The following OSBP variants were observed in gnomAD, a reference collection of about 807,000 sequenced individuals.
OSBP encodes the protein oxysterol binding protein.
A neutral mutation model predicts 96.6 loss-of-function variants in OSBP; 32 were observed. The ratio of observed to expected loss-of-function variants is 0.33; its 90% CI spans 0.25 to 0.45. The LOEUF (loss-of-function observed/expected upper bound fraction) is 0.45, where lower values mean the gene tolerates loss of function less well. Among genes scored for constraint, OSBP ranks in the 20% least tolerant of loss-of-function variants. The probability of loss-of-function intolerance (pLI) is 1.00; values close to 1 mark genes in which losing one functional copy is unlikely to be tolerated. For synonymous variants in OSBP, 369 were observed against 389.6 expected (o/e 0.95, Z 0.62); for missense variants, 653 against 1,029.7 (o/e 0.63, Z 5.01).
intron 9 of OSBP, among the ~76,000 whole-genome samples, chr11:59,589,221 C>G (rs1481503224): frequency 1.3e-5 from 2 of 150,336 alleles, no homozygotes; most frequent in African/African-American, 4.9e-5. Flanking sequence ...CTCTTGGGCC[C>G]AAGTGATCCT....
chr11:59,602,038 T>C (rs1860731273), intron 3 of OSBP, among the ~76,000 whole-genome samples, 200 bp from the exon 4 acceptor site: 2 of 152,186 alleles, frequency 1.3e-5, no homozygotes. Flanking sequence ...AAAGTAAATA[T>C]GGTTGTCATG....
chr11:59,600,745 C>T, intron 6 of OSBP, 74 bp downstream of exon 6: 2 of 1,298,136 alleles, frequency 1.5e-6, no homozygotes, highest in Middle Eastern at 2.0e-4. Context: ...TAGCACTTCA[C>T]AAAAAAAAAA....
chr11:59,606,229 A>G (rs1328941947), intron 3 of OSBP, among the ~76,000 whole-genome samples: 2 of 152,198 alleles, frequency 1.3e-5, no homozygotes, highest in Admixed American at 1.3e-4. Flanking sequence ...CGTGGAACAC[A>G]GCTCATGCTC....
chr11:59,591,545 T>A (rs2134661697), intron 9 of OSBP, among the ~76,000 whole-genome samples: 1 of 152,202 alleles, frequency 6.6e-6, no homozygotes, highest in Admixed American at 6.5e-5. Context: ...ATATAAATGC[T>A]ATATAAATAG....
chr11:59,576,533 G>T lies in OSBP; in HGVS notation c.*44C>A. 6.3e-7 allele frequency: 1 copy of T among 1,592,348 alleles called. No individual in the cohort carries two copies. On this transcript the variant is annotated 3_prime_UTR_variant, in exon 14 of 14. Coordinates refer to ENST00000263847, the MANE Select transcript of OSBP (RefSeq NM_002556.3). The stretch of plus-strand genomic sequence containing the variant: ...CTTCCAGCTTTCCCACACATCCTCT[G>T]TCCTCTTCTCCATTATATGCTCCTC...
chr11:59,611,135 CA>C (rs35074206), intron 1 of OSBP, among the ~76,000 whole-genome samples: 208 of 60,102 alleles, frequency 3.5e-3, no homozygotes, highest in Middle Eastern at 0.018. Flanking sequence ...AACTCCGTCT[CA>C]AAAAAAAAAA....
At chr11:59,608,953 C>T (rs1181341737) in intron 2 of OSBP, among the ~76,000 whole-genome samples, 1 of 152,152 alleles carries the variant, frequency 6.6e-6, no homozygotes, top group Non-Finnish European at 1.5e-5. Flanking sequence ...AGTCTCTAGG[C>T]CCACCCCTAG....
intron 11 of OSBP, 71 bp downstream of exon 11, chr11:59,580,103 C>T: frequency 1.0e-6 from 1 of 984,062 alleles, no homozygotes; most frequent in South Asian, 1.3e-5. Context: ...ATATACATTC[C>T]AGTCCTAAAG....
At chr11:59,612,854 A>G (rs1252888174) in intron 1 of OSBP, among the ~76,000 whole-genome samples, 3 of 152,298 alleles carry the variant, frequency 2.0e-5, no homozygotes, top group Admixed American at 1.3e-4. Flanking sequence ...GGGATTCCAT[A>G]TAAGGTTTTA....
chr11:59,594,791 G>A (rs1316125948), intron 7 of OSBP, among the ~76,000 whole-genome samples: 3 of 152,188 alleles, frequency 2.0e-5, no homozygotes. Flanking sequence ...TCTCCTCTGA[G>A]GCTGGATAAT....
chr11:59,597,025 A>T (rs1255105296), intron 7 of OSBP, among the ~76,000 whole-genome samples: 2 of 152,114 alleles, frequency 1.3e-5, no homozygotes, highest in Non-Finnish European at 2.9e-5. Flanking sequence ...ACTAATGGTA[A>T]AGGAGGACAG....
chr11:59,583,390 A>C (rs1590667933), intron 9 of OSBP, among the ~76,000 whole-genome samples: 1 of 152,304 alleles, frequency 6.6e-6, no homozygotes, highest in East Asian at 1.9e-4. Flanking sequence ...ACCACTAATA[A>C]AAAATAACTC....
intron 9 of OSBP, among the ~76,000 whole-genome samples, chr11:59,585,272 C>T (rs1453488223): frequency 6.6e-6 from 1 of 151,360 alleles, no homozygotes; most frequent in Non-Finnish European, 1.5e-5. Flanking sequence ...GATGTGGGGA[C>T]CGCCTCTGCC....
intron 3 of OSBP, among the ~76,000 whole-genome samples, chr11:59,604,854 C>CT (rs1860762015): frequency 7.7e-6 from 1 of 130,220 alleles, no homozygotes; most frequent in Admixed American, 7.6e-5. Flanking sequence ...TACTCTGTCT[C>CT]TAAAAAAAAA....
chr11:59,593,118 A>C (rs1445806608), intron 9 of OSBP, among the ~76,000 whole-genome samples: 1 of 152,134 alleles, frequency 6.6e-6, no homozygotes, highest in African/African-American at 2.4e-5. Context: ...TCTTTTTAAA[A>C]TAAAGTTTCA....
In OSBP at chr11:59,576,100, C is replaced by T. The variant is rs1045099601; in HGVS notation, c.*477G>A. On this transcript the variant is annotated 3_prime_UTR_variant, in exon 14 of 14. Transcript: ENST00000263847. ...TGTTATACCTAAGCTCCACTGCAAC[C>T]ATTCACAATGCCTCCATTGGTAAGT... 4.4e-5 allele frequency: 7 copies of T among 158,822 alleles called. No individual in the cohort carries two copies. Among genetic ancestry groups the T allele is most frequent in the Non-Finnish European group, 8.3e-5 (6 of 72,194 alleles). 9.8% of individuals were successfully genotyped at this position (158,822 alleles called of 1,614,324 possible).
chr11:59,593,127 C>T (rs1015972355), intron 9 of OSBP, among the ~76,000 whole-genome samples: 27 of 152,064 alleles, frequency 1.8e-4, no homozygotes, highest in Non-Finnish European at 4.4e-5. Context: ...AATAAAGTTT[C>T]AGTGACCTAG....
intron 2 of OSBP, among the ~76,000 whole-genome samples, chr11:59,609,651 T>A (rs1312893250): frequency 3.3e-5 from 5 of 152,162 alleles, no homozygotes; most frequent in Non-Finnish European, 5.9e-5. Flanking sequence ...GATAACAAAG[T>A]CAGCAGATGA....
Position 59,578,197 on chromosome 11 carries a change from T to C in OSBP, c.2012A>G (p.His671Arg). Residue 671 changes from histidine to arginine, a missense_variant, in exon 12 of 14, where the codon CAT (histidine) becomes CGT (arginine). By Grantham distance (29) the His-to-Arg change is conservative. Around this residue, in one of 6 missense-constraint regions of OSBP, gnomAD observed 169 missense variants for 251.5 expected, o/e 0.67. Transcript: ENST00000263847. ...ENGGDARQRG[H>R]EAEESRVMLW... ...CATGACCCTGCTTTCCTCTGCTTCATGGCCTCTCTGTCGAGCATCACCCCC... is the reference window on the plus strand; with the variant it reads ...CATGACCCTGCTTTCCTCTGCTTCACGGCCTCTCTGTCGAGCATCACCCCC... The C allele has an allele frequency of 3.1e-6, 5 of 1,614,208 alleles. No individual in the cohort carries two copies. Among genetic ancestry groups the C allele is most frequent in the South Asian group, 1.1e-5 (1 of 91,084 alleles).
Sources: allele counts gnomAD v4.1 joint callset (sites outside exome capture counted in the v4.1 genomes callset), GRCh38; gene constraint gnomAD v4.1.1; regional missense constraint gnomAD v4.1.1; transcripts MANE v1.5; gene names NCBI Gene and HGNC (gene_info 2026-07-23, HGNC 2026-07-21).